Variants in CBFA2T2 observed in about 807,000 individuals in gnomAD.
CBFA2T2 encodes the protein protein CBFA2T2.
Under a neutral mutation model 62.2 loss-of-function variants are expected in CBFA2T2, and 11 were observed. The ratio of observed to expected loss-of-function variants is 0.18; its 90% CI spans 0.11 to 0.29. The LOEUF is 0.29. CBFA2T2 is among the 10% of genes least tolerant of loss of function. The pLI is 1.00. For missense variants in CBFA2T2, 592 were observed against 774.1 expected, an observed-to-expected ratio of 0.76 and a Z score of 2.79; for synonymous variants, 295 against 287.5, an observed-to-expected ratio of 1.03 and a Z score of -0.27.
Position 33,607,078 on chromosome 20 carries a change from G to A in CBFA2T2, c.157G>A (p.Val53Met). The A allele has an allele frequency of 6.2e-7, 1 of 1,614,016 alleles. No individual in the cohort carries two copies. Among genetic ancestry groups the A allele is most frequent in the Non-Finnish European group, 8.5e-7 (1 of 1,179,922 alleles). Residue 53 changes from valine (V) to methionine (M), a missense_variant, in exon 2 of 11, where the codon GTG becomes ATG. Transcript: ENST00000342704. ...AATAAATCCTGGAGGACCGAGGCCAGTGTCCTTCACTCCTACTGCATGTGA... is the reference window on the plus strand; with the variant it reads ...AATAAATCCTGGAGGACCGAGGCCAATGTCCTTCACTCCTACTGCATGTGA... ...PPINPGGPRP[V>M]SFTPTALSNG... is the part of the protein sequence containing the mutation.
chr20:33,586,479 C>T lies in CBFA2T2; in HGVS notation c.35-20477C>T, dbSNP rs144414515. Among the ~76,000 whole-genome samples the T allele has an allele frequency of 4.7e-3, 720 of 152,222 alleles. 10 individuals are homozygous for T. The highest frequency in any genetic ancestry group is 0.037 in the South Asian group (179 of 4,828). ...TTATAGACATAGGAAAACTGAGGTTCCTGTTGATATTATTGCCAAAACAAT... is the reference window on the plus strand; with the variant it reads ...TTATAGACATAGGAAAACTGAGGTTTCTGTTGATATTATTGCCAAAACAAT... On this transcript the variant is annotated intron_variant, in intron 1 of 10. Transcript: ENST00000342704.
intron 3 of CBFA2T2, among the ~76,000 whole-genome samples, chr20:33,613,777 A>G (rs2015608875): frequency 6.6e-6 from 1 of 152,208 alleles, no homozygotes; most frequent in African/African-American, 2.4e-5. Context: ...TACTACAGAA[A>G]AATCTTACTG....
intron 8 of CBFA2T2, among the ~76,000 whole-genome samples, 168 bp from the exon 9 acceptor site, chr20:33,636,472 A>G (rs933329708): frequency 6.6e-6 from 1 of 152,098 alleles, no homozygotes. Context: ...AAAACTAAAT[A>G]TTTACTGTAC....
At chr20:33,495,935 C>G (rs1198763137) in intron 1 of CBFA2T2, among the ~76,000 whole-genome samples, 1 of 152,036 alleles carries the variant, frequency 6.6e-6, no homozygotes, top group Non-Finnish European at 1.5e-5. Flanking sequence ...TACTTAAAAC[C>G]GTGCTTGACA....
At chr20:33,629,970 A>G in intron 8 of CBFA2T2, 56 bp downstream of exon 8, 1 of 1,457,068 alleles carries the variant, frequency 6.9e-7, no homozygotes, top group Non-Finnish European at 9.2e-7. Context: ...AGAGCCCACC[A>G]ATCTGTCACA....
chr20:33,562,070 C>T (rs1351378991), intron 1 of CBFA2T2, among the ~76,000 whole-genome samples: 1 of 152,014 alleles, frequency 6.6e-6, no homozygotes, highest in Non-Finnish European at 1.5e-5. Flanking sequence ...TAGCAGAAAC[C>T]AGACAGTATA....
intron 10 of CBFA2T2, among the ~76,000 whole-genome samples, chr20:33,642,128 G>A (rs1370376905): frequency 7.9e-6 from 1 of 126,306 alleles, no homozygotes; most frequent in African/African-American, 3.2e-5. Context: ...GTGTGTGTGT[G>A]TGTGTGTGTG....
At chr20:33,629,588 A>G (rs762266939) in intron 7 of CBFA2T2, 131 bp from the exon 8 acceptor site, 24 of 838,912 alleles carry the variant, frequency 2.9e-5, no homozygotes, top group Non-Finnish European at 4.3e-5. Flanking sequence ...AAAGGTTTTA[A>G]ATGTAAACTT....
chr20:33,571,929 C>T (rs937186845), intron 1 of CBFA2T2, among the ~76,000 whole-genome samples: 6 of 152,148 alleles, frequency 3.9e-5, no homozygotes, highest in Non-Finnish European at 7.3e-5. Flanking sequence ...CTCGCTCTGT[C>T]GCCCAGGCTG....
chr20:33,546,234 G>A (rs2012563569), intron 1 of CBFA2T2, among the ~76,000 whole-genome samples: 1 of 151,884 alleles, frequency 6.6e-6, no homozygotes, highest in South Asian at 2.1e-4. Flanking sequence ...AAACATTTTT[G>A]TATTGTTTTT....
chr20:33,497,369 C>T (rs2146844262), intron 1 of CBFA2T2, among the ~76,000 whole-genome samples: 1 of 150,336 alleles, frequency 6.7e-6, no homozygotes, highest in Non-Finnish European at 1.5e-5. Flanking sequence ...GGTTGTTGGG[C>T]CTAGAGATCT....
rs6059381 is a variant in CBFA2T2 at position 33,593,999 on chromosome 20, G to C, written c.35-12957G>C. ...AATAGGAAGCCATTAGAAGAGTTCA[G>C]GTCTGTGGGAAGATCTGTTTTAGGT... On this transcript the variant is annotated intron_variant, in intron 1 of 10. Coordinates refer to ENST00000342704, the MANE Select transcript of CBFA2T2 (RefSeq NM_001032999.3). Among the ~76,000 whole-genome samples, 8 of 152,132 alleles carry C rather than the reference G, an allele frequency of 5.3e-5. No homozygotes were observed. In the South Asian group the frequency reaches 1.0e-3, roughly 20 times the overall value.
intron 2 of CBFA2T2, among the ~76,000 whole-genome samples, chr20:33,608,039 G>T (rs2015400334): frequency 6.6e-6 from 1 of 152,200 alleles, no homozygotes; most frequent in South Asian, 2.1e-4. Context: ...ATACAATGCT[G>T]GTTGGAGTGT....
chr20:33,508,641 A>C (rs2011447981), intron 1 of CBFA2T2, among the ~76,000 whole-genome samples: 1 of 152,012 alleles, frequency 6.6e-6, no homozygotes, highest in East Asian at 1.9e-4. Context: ...ATGTGTTCTC[A>C]TCATTTAGCT....
At chr20:33,492,834 T>A (rs2011158122) in intron 1 of CBFA2T2, among the ~76,000 whole-genome samples, 1 of 152,074 alleles carries the variant, frequency 6.6e-6, no homozygotes, top group South Asian at 2.1e-4. Context: ...CTAAGAGAAT[T>A]CTGTATTACA....
intron 1 of CBFA2T2, among the ~76,000 whole-genome samples, chr20:33,558,861 G>T (rs539892476): frequency 6.6e-5 from 10 of 151,650 alleles, no homozygotes; most frequent in Non-Finnish European, 1.5e-4. Flanking sequence ...TTTTAGATTC[G>T]GGTACATGTG....
In CBFA2T2 at chr20:33,545,946, C is replaced by A. The variant is rs1409616209; in HGVS notation, c.34+55645C>A. Among the ~76,000 whole-genome samples the A allele has an allele frequency of 3.9e-5, 6 of 152,288 alleles. No individual in the cohort carries two copies. In the East Asian group the frequency reaches 1.2e-3, roughly 29 times the overall value. ...CTTAGTCAATAAATGAAGCTGTTAA[C>A]ATAATCTGTCATGTGCCAGTTTAAA... On this transcript the variant is annotated intron_variant, in intron 1 of 10. Transcript: ENST00000342704.
chr20:33,491,286 A>G (rs2011144834), intron 1 of CBFA2T2, among the ~76,000 whole-genome samples: 1 of 152,248 alleles, frequency 6.6e-6, no homozygotes, highest in Admixed American at 6.5e-5. Context: ...CTGGGAATAC[A>G]ATAAACAAGA....
At chr20:33,500,310 G>T (rs2011257652) in intron 1 of CBFA2T2, among the ~76,000 whole-genome samples, 1 of 151,832 alleles carries the variant, frequency 6.6e-6, no homozygotes, top group Non-Finnish European at 1.5e-5. Context: ...CTAGACTAGG[G>T]GTTTTTAGAC....
Sources: allele counts gnomAD v4.1 joint callset (sites outside exome capture counted in the v4.1 genomes callset), GRCh38; gene constraint gnomAD v4.1.1; transcripts MANE v1.5; gene names NCBI Gene and HGNC (gene_info 2026-07-23, HGNC 2026-07-21).